The following RANBP2 variants were observed in gnomAD, a reference collection of about 807,000 sequenced individuals.
The protein encoded by RANBP2 is RAN binding protein 2, also known as E3 SUMO-protein ligase RanBP2.
A neutral mutation model predicts 303.6 loss-of-function variants in RANBP2; 57 were observed. The ratio of observed to expected loss-of-function variants is 0.19; its 90% CI spans 0.15 to 0.23. RANBP2 has a LOEUF of 0.23. Among genes scored for constraint, RANBP2 ranks in the 10% least tolerant of loss-of-function variants. The probability of loss-of-function intolerance (pLI) is 1.00; values close to 1 mark genes in which losing one functional copy is unlikely to be tolerated. For synonymous variants in RANBP2, 1,167 were observed against 1,301.5 expected, an observed-to-expected ratio of 0.90 and a Z score of 2.23; for missense variants, 3,138 against 3,780.8, an observed-to-expected ratio of 0.83 and a Z score of 4.46.
At chr2:109,349,302 C>A in the RANBP2 span, among the ~76,000 whole-genome samples, 1 of 152,178 alleles carries the variant, frequency 6.6e-6, no homozygotes, top group Non-Finnish European at 1.5e-5. Context: ...ATTTTTCATT[C>A]AGGGATTCAA....
chr2:109,299,993 T>C, the RANBP2 span, among the ~76,000 whole-genome samples: 24 of 152,328 alleles, frequency 1.6e-4, no homozygotes, highest in Middle Eastern at 3.4e-3. Context: ...TTTCGCTCTT[T>C]CTTCAAGAAT....
chr2:108,989,985 A>C, the RANBP2 span, among the ~76,000 whole-genome samples: 1 of 152,136 alleles, frequency 6.6e-6, no homozygotes, highest in Non-Finnish European at 1.5e-5. Flanking sequence ...TAACTCACAC[A>C]TGAGAAAGTA....
At chr2:109,655,705 A>G in the RANBP2 span, among the ~76,000 whole-genome samples, 2 of 152,164 alleles carry the variant, frequency 1.3e-5, no homozygotes, top group African/African-American at 4.8e-5. Context: ...CTTCCACTTG[A>G]ACTGTTTGTG....
the RANBP2 span, among the ~76,000 whole-genome samples, chr2:108,827,405 A>G: frequency 3.3e-5 from 5 of 152,382 alleles, no homozygotes; most frequent in East Asian, 9.6e-4. Context: ...AGAAAACTAC[A>G]AATTTTATTT....
the RANBP2 span, among the ~76,000 whole-genome samples, chr2:109,494,755 A>T: frequency 6.6e-6 from 1 of 152,026 alleles, no homozygotes; most frequent in African/African-American, 2.4e-5. Flanking sequence ...CCAAAATGCC[A>T]AGGAGGAATG....
chr2:109,442,685 A>T, the RANBP2 span, among the ~76,000 whole-genome samples: 1 of 152,248 alleles, frequency 6.6e-6, no homozygotes, highest in African/African-American at 2.4e-5. Context: ...TAAAATAAAG[A>T]TGTAAGCAGT....
At chr2:109,281,375 G>C in the RANBP2 span, among the ~76,000 whole-genome samples, 1 of 152,202 alleles carries the variant, frequency 6.6e-6, no homozygotes, top group Non-Finnish European at 1.5e-5. Flanking sequence ...TGGAAAGTGA[G>C]GAGAGGGAAG....
At chr2:109,243,085 G>A in the RANBP2 span, among the ~76,000 whole-genome samples, 3 of 152,236 alleles carry the variant, frequency 2.0e-5, no homozygotes, top group Non-Finnish European at 4.4e-5. Flanking sequence ...TTCCTGTAGC[G>A]TCAGCAGCAG....
chr2:109,073,196 C>T, the RANBP2 span, among the ~76,000 whole-genome samples: 1 of 151,890 alleles, frequency 6.6e-6, no homozygotes, highest in Admixed American at 6.6e-5. Flanking sequence ...AGAATTTCAA[C>T]CAAAAAGGTA....
the RANBP2 span, among the ~76,000 whole-genome samples, chr2:109,371,059 C>A: frequency 6.6e-6 from 1 of 152,112 alleles, no homozygotes. Context: ...CAGGCTTTCC[C>A]ATATGGGGCT....
the RANBP2 span, among the ~76,000 whole-genome samples, chr2:108,832,535 C>T: frequency 4.0e-5 from 6 of 151,886 alleles, no homozygotes; most frequent in East Asian, 1.9e-4. Context: ...TTAGTAGAGA[C>T]GGGGTTTCTC....
chr2:108,825,505 T>C, the RANBP2 span, among the ~76,000 whole-genome samples: 2 of 152,184 alleles, frequency 1.3e-5, no homozygotes, highest in Non-Finnish European at 2.9e-5. Context: ...ACCACTAATC[T>C]GCTTTCTGTC....
chr2:109,718,746 G>A, the RANBP2 span, among the ~76,000 whole-genome samples: 10 of 152,030 alleles, frequency 6.6e-5, no homozygotes, highest in South Asian at 2.1e-4. Flanking sequence ...TTGGGAGGTC[G>A]AGGCAGGCAG....
At chr2:109,712,443 T>C in the RANBP2 span, among the ~76,000 whole-genome samples, 1 of 148,234 alleles carries the variant, frequency 6.7e-6, no homozygotes, top group African/African-American at 2.4e-5. Context: ...TTTTATTTTA[T>C]TTTTTTGAGA....
chr2:108,802,911 T>C, the RANBP2 span, among the ~76,000 whole-genome samples: 1 of 152,246 alleles, frequency 6.6e-6, no homozygotes, highest in African/African-American at 2.4e-5. Flanking sequence ...TCTTTGGCTC[T>C]GTTTATATGC....
the RANBP2 span, among the ~76,000 whole-genome samples, chr2:108,843,659 A>G: frequency 1.3e-5 from 2 of 151,824 alleles, no homozygotes; most frequent in Non-Finnish European, 2.9e-5. Flanking sequence ...TTTTCCCCAT[A>G]TATGTAAGGT....
At chr2:108,957,255 A>G in the RANBP2 span, among the ~76,000 whole-genome samples, 1 of 152,114 alleles carries the variant, frequency 6.6e-6, no homozygotes, top group Non-Finnish European at 1.5e-5. Context: ...GTGGCTGTTC[A>G]CCTTCGCTTC....
chr2:108,720,520 A>C (rs1383172718), intron 1 of RANBP2, among the ~76,000 whole-genome samples: 1 of 152,224 alleles, frequency 6.6e-6, no homozygotes, highest in East Asian at 1.9e-4. Flanking sequence ...GAGTGACGGA[A>C]GAAGCTATTA....
At chr2:109,417,463 C>G in the RANBP2 span, among the ~76,000 whole-genome samples, 2 of 152,220 alleles carry the variant, frequency 1.3e-5, no homozygotes, top group African/African-American at 4.8e-5. Flanking sequence ...ATGCCCCCTT[C>G]CAGCCCTGTT....
Sources: gnomAD v4.1 joint callset for allele counts (sites outside exome capture counted in the v4.1 genomes callset) on GRCh38, gnomAD v4.1.1 for gene constraint, MANE v1.5 for transcripts, NCBI Gene and HGNC (gene_info 2026-07-23, HGNC 2026-07-21) for gene names.